Variants in B3GAT2 observed in about 807,000 individuals in gnomAD.
B3GAT2 encodes galactosylgalactosylxylosylprotein 3-beta-glucuronosyltransferase 2.
A neutral mutation model predicts 27.8 loss-of-function variants in B3GAT2; 26 were observed. The observed-to-expected ratio is 0.93, with a 90% CI of 0.68 to 1.30. The LOEUF (loss-of-function observed/expected upper bound fraction) is 1.30. Ranked by LOEUF, B3GAT2 falls within the 50% of genes most tolerant of loss-of-function variation. B3GAT2 has a pLI of 0.00. For missense variants in B3GAT2, 458 were observed against 459.0 expected (o/e 1.00, Z 0.02); for synonymous variants, 218 against 195.1 (o/e 1.12, Z -0.98).
chr6:70,929,633 A>T (rs911326495), intron 1 of B3GAT2, among the ~76,000 whole-genome samples: 9 of 152,224 alleles, frequency 5.9e-5, no homozygotes, highest in African/African-American at 1.9e-4. Context: ...AATCCAACTT[A>T]CAAGGGATGT....
intron 1 of B3GAT2, among the ~76,000 whole-genome samples, chr6:70,949,374 C>T (rs1765542711): frequency 6.6e-6 from 1 of 152,104 alleles, no homozygotes; most frequent in South Asian, 2.1e-4. Flanking sequence ...AACAAACAAC[C>T]CCATCAACAA....
At chr6:70,915,848 C>A (rs1344234403) in intron 1 of B3GAT2, among the ~76,000 whole-genome samples, 1 of 152,146 alleles carries the variant, frequency 6.6e-6, no homozygotes, top group Non-Finnish European at 1.5e-5. Flanking sequence ...ATGCCTCCAG[C>A]TTTGTTCTTT....
At chr6:70,875,677 T>C (rs562001200) in intron 2 of B3GAT2, among the ~76,000 whole-genome samples, 2 of 152,366 alleles carry the variant, frequency 1.3e-5, no homozygotes, top group African/African-American at 4.8e-5. Context: ...GCCTTGGTTG[T>C]TAAACAGGTC....
intron 1 of B3GAT2, among the ~76,000 whole-genome samples, chr6:70,899,464 A>AT (rs1341188253): frequency 1.3e-5 from 2 of 152,126 alleles, no homozygotes; most frequent in Non-Finnish European, 2.9e-5. Flanking sequence ...TTCATGCTTT[A>AT]TTTTTCTAGA....
chr6:70,866,291 A>C (rs1771850501), intron 2 of B3GAT2, among the ~76,000 whole-genome samples: 1 of 152,212 alleles, frequency 6.6e-6, no homozygotes, highest in African/African-American at 2.4e-5. Flanking sequence ...CTAGAGGCTG[A>C]GATGGTTTTG....
chr6:70,858,368 C>A lies in B3GAT2; in HGVS notation c.*3295G>T. 1 of 650,138 alleles carries A rather than the reference C, an allele frequency of 1.5e-6. No individual in the cohort carries two copies. The highest frequency in any genetic ancestry group is 2.3e-6 in the Non-Finnish European group (1 of 427,180). 40.3% of individuals were successfully genotyped at this position (650,138 alleles called of 1,614,324 possible). A position where few individuals can be genotyped will look rare whatever the true frequency, so the allele number is the denominator to read the frequency against. ...CAATAGGGATAATATGTTATAGGGT[C>A]AAAAGTATCTATAAATATTATGAAG... On this transcript the variant is annotated 3_prime_UTR_variant, in exon 4 of 4. Transcript: ENST00000230053.
chr6:70,860,138 A>G lies in B3GAT2; in HGVS notation c.*1525T>C, dbSNP rs1345171703. Reference sequence around the variant, plus strand: ...TGAAAAAATGACCAACTGTGTGGCTAAAGAAACAAGAATTAAAAGTGAAGT... The same window carrying G: ...TGAAAAAATGACCAACTGTGTGGCTGAAGAAACAAGAATTAAAAGTGAAGT... On this transcript the variant is annotated 3_prime_UTR_variant, in exon 4 of 4. Coordinates refer to ENST00000230053, the MANE Select transcript of B3GAT2 (RefSeq NM_080742.3). 5 of 1,505,830 alleles carry G rather than the reference A, an allele frequency of 3.3e-6. No homozygotes were observed. Among genetic ancestry groups the G allele is most frequent in the Admixed American group, 2.3e-5 (1 of 43,560 alleles). The allele number at this position is 1,505,830 out of a possible 1,614,324, so 93.3% of individuals were successfully genotyped here. A position where few individuals can be genotyped will look rare whatever the true frequency, so the allele number is the denominator to read the frequency against.
chr6:70,884,125 C>T (rs1772144536), intron 2 of B3GAT2, among the ~76,000 whole-genome samples: 1 of 151,218 alleles, frequency 6.6e-6, no homozygotes, highest in Admixed American at 6.6e-5. Flanking sequence ...AAAAAAAACC[C>T]GCAACCACAC....
At chr6:70,939,333 G>A (rs993798933) in intron 1 of B3GAT2, among the ~76,000 whole-genome samples, 4 of 142,504 alleles carry the variant, frequency 2.8e-5, no homozygotes, top group Admixed American at 2.1e-4. Context: ...GTGGAAGTCA[G>A]TGCGGCGATT....
chr6:70,888,968 T>C (rs1200935246), intron 2 of B3GAT2, among the ~76,000 whole-genome samples: 1 of 152,214 alleles, frequency 6.6e-6, no homozygotes, highest in Admixed American at 6.5e-5. Context: ...CCCCACGATG[T>C]ATCTGCCATG....
At position 70,857,205 on chromosome 6, in the gene B3GAT2, G is replaced by A; in HGVS notation, c.*4458C>T. The A allele has an allele frequency of 5.7e-6, 3 of 527,178 alleles. No individual in the cohort carries two copies. The highest frequency in any genetic ancestry group is 9.2e-6 in the Non-Finnish European group (3 of 324,648). The allele number at this position is 527,178 out of a possible 1,614,324, so 32.7% of individuals were successfully genotyped here. A position where few individuals can be genotyped will look rare whatever the true frequency, so the allele number is the denominator to read the frequency against. On this transcript the variant is annotated 3_prime_UTR_variant, in exon 4 of 4. Coordinates refer to ENST00000230053, the MANE Select transcript of B3GAT2 (RefSeq NM_080742.3). ...GAGCATTAGAATTAAAAAATTAAGA[G>A]GCATGTACAGGATTCACAGAACTTT...
intron 2 of B3GAT2, among the ~76,000 whole-genome samples, chr6:70,891,992 T>C (rs1772297770): frequency 6.6e-6 from 1 of 152,204 alleles, no homozygotes; most frequent in African/African-American, 2.4e-5. Flanking sequence ...TCCAAAAATA[T>C]CAATAATTTA....
chr6:70,937,155 A>G (rs1765298725), intron 1 of B3GAT2, among the ~76,000 whole-genome samples: 2 of 152,220 alleles, frequency 1.3e-5, no homozygotes, highest in South Asian at 4.1e-4. Flanking sequence ...AATCTAGAAG[A>G]AATGGATAAA....
At chr6:70,905,797 A>G (rs1342311357) in intron 1 of B3GAT2, among the ~76,000 whole-genome samples, 3 of 152,160 alleles carry the variant, frequency 2.0e-5, no homozygotes, top group Admixed American at 2.0e-4. Context: ...CTACATCTCA[A>G]AAAAGGAATA....
chr6:70,954,766 A>C (rs1280242083), intron 1 of B3GAT2, among the ~76,000 whole-genome samples: 1 of 152,232 alleles, frequency 6.6e-6, no homozygotes, highest in Non-Finnish European at 1.5e-5. Flanking sequence ...TCAATCAAGA[A>C]GATTTTCTTT....
At chr6:70,940,883 G>A (rs528412970) in intron 1 of B3GAT2, among the ~76,000 whole-genome samples, 1 of 152,264 alleles carries the variant, frequency 6.6e-6, no homozygotes, top group East Asian at 1.9e-4. Flanking sequence ...AGCCAGGTTA[G>A]CATCCTCCTC....
rs189340043 is a variant in B3GAT2, at chr6:70,941,039, A to G, written c.591+14800T>C. 3.9e-5 allele frequency among the ~76,000 whole-genome samples: 6 copies of G among 152,276 alleles called. No homozygotes were observed. The East Asian group carries it at 1.2e-3, about 29-fold the overall frequency. ...GTTCTCTCACATCTCACTTCCTCCC[A>G]GGACTCTTTGTAGACAAGCCCTATT... is the stretch of plus-strand genomic sequence containing the variant. On this transcript the variant is annotated intron_variant, in intron 1 of 3. Transcript: ENST00000230053.
chr6:70,861,342 C>A lies in B3GAT2; in HGVS notation c.*321G>T, dbSNP rs370648758. 4.2e-6 allele frequency: 1 copy of A among 236,834 alleles called. No individual in the cohort carries two copies. The highest frequency in any genetic ancestry group is 8.6e-5 in the East Asian group (1 of 11,606). The allele number at this position is 236,834 out of a possible 1,614,324, so 14.7% of individuals were successfully genotyped here. On this transcript the variant is annotated 3_prime_UTR_variant, in exon 4 of 4. Transcript: ENST00000230053. Reference sequence around the variant, plus strand: ...TGTTCAAGTCTACCAATTATAAGGGCAAATTGGAGAAAAAGAAAAAATATA... The same window carrying A: ...TGTTCAAGTCTACCAATTATAAGGGAAAATTGGAGAAAAAGAAAAAATATA...
intron 1 of B3GAT2, among the ~76,000 whole-genome samples, chr6:70,913,952 G>C (rs2504735): frequency 0.72 from 109,723 of 152,006 alleles, 39,873 homozygotes; most frequent in African/African-American, 0.77. Context: ...TATGTCATGC[G>C]CTTGTCTTTT....
Sources: gnomAD v4.1 joint callset for allele counts (sites outside exome capture counted in the v4.1 genomes callset) on GRCh38, gnomAD v4.1.1 for gene constraint, MANE v1.5 for transcripts, NCBI Gene and HGNC (gene_info 2026-07-23, HGNC 2026-07-21) for gene names.